GNB4: variants seen among roughly 807,000 people sequenced by gnomAD.
GNB4 encodes guanine nucleotide-binding protein subunit beta-4.
GNB4 carries 28 observed loss-of-function variants against 45.2 expected under a neutral mutation model. That is an observed-to-expected ratio of 0.62 (90% CI 0.46 to 0.85). GNB4 has a LOEUF of 0.85. Ranked by LOEUF, GNB4 falls within the 40% of genes least tolerant of loss-of-function variation. The pLI, the probability that GNB4 is intolerant of heterozygous loss-of-function variation, is 0.00. For missense variants in GNB4, 321 were observed against 425.4 expected (o/e 0.75, Z 2.16); for synonymous variants, 132 against 143.7 (o/e 0.92, Z 0.58).
At chr3:179,514,585 T>A in the GNB4 span, among the ~76,000 whole-genome samples, 1 of 152,088 alleles carries the variant, frequency 6.6e-6, no homozygotes, top group East Asian at 1.9e-4. Context: ...TGGAGGAAAT[T>A]AAGGTTAAAT....
intron 6 of GNB4, 120 bp downstream of exon 6, chr3:179,414,765 C>A: frequency 1.5e-6 from 1 of 650,072 alleles, no homozygotes; most frequent in East Asian, 2.9e-5. Flanking sequence ...ATAATAATTT[C>A]ATTCCCACCC....
At chr3:179,445,641 G>A (rs929718867) in intron 1 of GNB4, among the ~76,000 whole-genome samples, 2 of 152,166 alleles carry the variant, frequency 1.3e-5, no homozygotes, top group Non-Finnish European at 2.9e-5. Context: ...TTAACCAATT[G>A]TATATATGAC....
Position 179,420,869 on chromosome 3 carries a change from A to C in GNB4, c.96+20T>G, listed in dbSNP as rs771839047. Reference sequence around the variant, plus strand: ...ATTTTATGAGTTACCAAAATGAAATAAAGAAAAACAAAACTTTACCTGAAC... The same window carrying C: ...ATTTTATGAGTTACCAAAATGAAATCAAGAAAAACAAAACTTTACCTGAAC... On this transcript the variant is annotated intron_variant, in intron 3 of 9. Transcript: ENST00000232564. 2.0e-6 allele frequency: 3 copies of C among 1,520,090 alleles called. No individual in the cohort carries two copies. In the Admixed American group the frequency reaches 5.2e-5, roughly 26 times the overall value. 94.2% of individuals were successfully genotyped at this position (1,520,090 alleles called of 1,614,324 possible).
chr3:179,406,846 C>T (rs1488954684), intron 8 of GNB4, among the ~76,000 whole-genome samples: 1 of 152,048 alleles, frequency 6.6e-6, no homozygotes, highest in Non-Finnish European at 1.5e-5. Flanking sequence ...AACTCCTGGC[C>T]TCAAGTGATC....
chr3:179,527,357 G>C, the GNB4 span, among the ~76,000 whole-genome samples: 1 of 152,206 alleles, frequency 6.6e-6, no homozygotes, highest in Non-Finnish European at 1.5e-5. Flanking sequence ...CCAGAATACA[G>C]TTGGAACTTC....
intron 1 of GNB4, among the ~76,000 whole-genome samples, chr3:179,431,545 G>GC (rs1715309048): frequency 7.7e-6 from 1 of 129,962 alleles, no homozygotes; most frequent in Middle Eastern, 3.9e-3. Flanking sequence ...GGTGAAGAGT[G>GC]AGACTCTGTC....
At chr3:179,504,566 G>A in the GNB4 span, among the ~76,000 whole-genome samples, 2 of 152,130 alleles carry the variant, frequency 1.3e-5, no homozygotes, top group Non-Finnish European at 2.9e-5. Context: ...GTGAGATAAG[G>A]AGCTCTAACA....
chr3:179,495,461 G>A, the GNB4 span, among the ~76,000 whole-genome samples: 46 of 151,282 alleles, frequency 3.0e-4, no homozygotes, highest in Non-Finnish European at 2.9e-5. Context: ...GGGTAACAGA[G>A]TGAGACCCCA....
the GNB4 span, among the ~76,000 whole-genome samples, chr3:179,470,949 G>A: frequency 2.6e-5 from 4 of 152,138 alleles, no homozygotes; most frequent in African/African-American, 9.7e-5. Context: ...GGAGACTGAG[G>A]AGGGCGGATC....
At chr3:179,440,254 AAT>A (rs765178737) in intron 1 of GNB4, among the ~76,000 whole-genome samples, 12 of 152,208 alleles carry the variant, frequency 7.9e-5, no homozygotes, top group Non-Finnish European at 1.5e-4. Context: ...CTCTTGAAGA[AAT>A]ATAAGAATGA....
intron 2 of GNB4, among the ~76,000 whole-genome samples, chr3:179,421,358 G>T (rs1016294556): frequency 3.3e-5 from 5 of 151,728 alleles, no homozygotes; most frequent in Non-Finnish European, 7.4e-5. Context: ...AAAGGAAGAC[G>T]GTGAAGCAGA....
At chr3:179,445,731 C>T (rs1023126224) in intron 1 of GNB4, among the ~76,000 whole-genome samples, 3 of 152,222 alleles carry the variant, frequency 2.0e-5, no homozygotes, top group Non-Finnish European at 4.4e-5. Context: ...AAGAAGACAG[C>T]GCTCTGACTT....
chr3:179,465,098 T>G, the GNB4 span: 642 of 1,432,542 alleles, frequency 4.5e-4, 5 homozygotes, highest in South Asian at 7.0e-3. Flanking sequence ...TATTGTAATA[T>G]CTGCTGCAGG....
the GNB4 span, among the ~76,000 whole-genome samples, chr3:179,484,687 T>C: frequency 6.6e-6 from 1 of 152,184 alleles, no homozygotes; most frequent in South Asian, 2.1e-4. Context: ...TTAGGGTTCC[T>C]AAGTGCAGGA....
the GNB4 span, among the ~76,000 whole-genome samples, chr3:179,521,508 C>T: frequency 5.9e-5 from 9 of 152,190 alleles, no homozygotes; most frequent in African/African-American, 1.4e-4. Flanking sequence ...CCCAAAAAAA[C>T]TTGTCATCCC....
At chr3:179,431,548 ACT>A (rs1313181624) in intron 1 of GNB4, among the ~76,000 whole-genome samples, 1 of 118,470 alleles carries the variant, frequency 8.4e-6, no homozygotes, top group African/African-American at 3.2e-5. Flanking sequence ...GAAGAGTGAG[ACT>A]CTGTCTCAAA....
chr3:179,464,850 A>T, the GNB4 span: 1 of 1,345,520 alleles, frequency 7.4e-7, no homozygotes, highest in Non-Finnish European at 1.1e-6. Context: ...TGTTTGGACC[A>T]GTATTCCATG....
the GNB4 span, among the ~76,000 whole-genome samples, chr3:179,473,566 G>A: frequency 2.0e-5 from 3 of 152,062 alleles, no homozygotes; most frequent in African/African-American, 7.2e-5. Context: ...CTCCCAAAGT[G>A]CTGGGATTAC....
At chr3:179,514,473 G>A in the GNB4 span, among the ~76,000 whole-genome samples, 1 of 152,188 alleles carries the variant, frequency 6.6e-6, no homozygotes, top group Admixed American at 6.5e-5. Context: ...GGGCAAGGGT[G>A]TGAAGCTGAC....
Sources: gnomAD v4.1 joint callset for allele counts (sites outside exome capture counted in the v4.1 genomes callset) on GRCh38, gnomAD v4.1.1 for gene constraint, MANE v1.5 for transcripts, NCBI Gene and HGNC (gene_info 2026-07-23, HGNC 2026-07-21) for gene names.